Variants in CDK14 observed in about 807,000 individuals in gnomAD.
CDK14 encodes the protein cyclin dependent kinase 14.
CDK14 carries 34 observed loss-of-function variants against 60.7 expected under a neutral mutation model. The observed-to-expected ratio is 0.56, with a 90% CI of 0.43 to 0.75. CDK14 has a LOEUF of 0.75. Ranked by LOEUF, CDK14 falls within the 30% of genes least tolerant of loss-of-function variation. The pLI is 0.00. For missense variants in CDK14, 482 were observed against 564.1 expected, an observed-to-expected ratio of 0.85 and a Z score of 1.47; for synonymous variants, 197 against 203.7, an observed-to-expected ratio of 0.97 and a Z score of 0.28.
intron 2 of CDK14, among the ~76,000 whole-genome samples, chr7:90,682,212 A>G (rs10236092): frequency 0.079 from 12,096 of 152,188 alleles, 510 homozygotes; most frequent in South Asian, 0.1. Flanking sequence ...TATCCAGTAA[A>G]CAGTAATAAC....
chr7:90,831,493 A>T (rs1329256456), intron 5 of CDK14, among the ~76,000 whole-genome samples: 1 of 152,210 alleles, frequency 6.6e-6, no homozygotes. Context: ...GTGGAGACAC[A>T]GAGCCAAACT....
At chr7:90,810,216 C>T (rs1430617781) in intron 5 of CDK14, among the ~76,000 whole-genome samples, 1 of 152,126 alleles carries the variant, frequency 6.6e-6, no homozygotes, top group Non-Finnish European at 1.5e-5. Flanking sequence ...ATGCAGAAAT[C>T]CTCAATAAAA....
chr7:90,693,399 AC>A (rs1801595077), intron 2 of CDK14, among the ~76,000 whole-genome samples: 1 of 152,170 alleles, frequency 6.6e-6, no homozygotes, highest in South Asian at 2.1e-4. Context: ...GGTAAGTTCT[AC>A]CAGCTGGGGG....
chr7:91,016,242 T>C (rs936803475), intron 10 of CDK14, among the ~76,000 whole-genome samples: 8 of 152,172 alleles, frequency 5.3e-5, no homozygotes, highest in Non-Finnish European at 1.0e-4. Context: ...CAATGTGTTT[T>C]CTCTGCTGAC....
intron 6 of CDK14, among the ~76,000 whole-genome samples, chr7:90,865,923 T>C (rs954045557): frequency 2.0e-5 from 3 of 152,136 alleles, no homozygotes; most frequent in African/African-American, 4.8e-5. Flanking sequence ...TGGACTGTTA[T>C]AGCTCCTGTT....
intron 8 of CDK14, among the ~76,000 whole-genome samples, chr7:90,944,811 A>G (rs1486865836): frequency 1.3e-5 from 2 of 152,192 alleles, no homozygotes; most frequent in Non-Finnish European, 2.9e-5. Flanking sequence ...GCTGTCATGT[A>G]AATGAAAGAC....
At chr7:90,993,445 ATTGG>A (rs1313650600) in intron 10 of CDK14, among the ~76,000 whole-genome samples, 2 of 152,104 alleles carry the variant, frequency 1.3e-5, no homozygotes, top group Non-Finnish European at 2.9e-5. Flanking sequence ...GGATCAAGGT[ATTGG>A]AGCAGGCAAG....
At chr7:90,631,164 CTT>C (rs1799989384) in intron 2 of CDK14, among the ~76,000 whole-genome samples, 1 of 152,062 alleles carries the variant, frequency 6.6e-6, no homozygotes, top group African/African-American at 2.4e-5. Flanking sequence ...GCTCACATAA[CTT>C]TTCTGAATTT....
chr7:90,992,569 G>T (rs898763259), intron 10 of CDK14, among the ~76,000 whole-genome samples: 2 of 152,184 alleles, frequency 1.3e-5, no homozygotes, highest in Non-Finnish European at 2.9e-5. Context: ...TATTCTGAGA[G>T]ATGCCATTTT....
intron 14 of CDK14, among the ~76,000 whole-genome samples, chr7:91,184,920 A>T (rs990296076): frequency 2.0e-5 from 3 of 151,792 alleles, no homozygotes; most frequent in African/African-American, 7.3e-5. Flanking sequence ...TGAACTCCAG[A>T]TTGATTCTCC....
At chr7:90,635,058 G>C (rs1381149854) in intron 2 of CDK14, among the ~76,000 whole-genome samples, 1 of 152,046 alleles carries the variant, frequency 6.6e-6, no homozygotes, top group African/African-American at 2.4e-5. Context: ...AGTAGGTTGT[G>C]AAAATTTTCT....
At chr7:90,628,446 C>T (rs1466399903) in intron 2 of CDK14, among the ~76,000 whole-genome samples, 3 of 152,088 alleles carry the variant, frequency 2.0e-5, no homozygotes, top group Non-Finnish European at 4.4e-5. Context: ...GAATTTCAGC[C>T]ATTGAGGGTC....
intron 2 of CDK14, among the ~76,000 whole-genome samples, chr7:90,614,623 AT>A (rs1314077437): frequency 1.3e-5 from 2 of 152,000 alleles, no homozygotes; most frequent in Admixed American, 6.5e-5. Context: ...TTTTAAAAAA[AT>A]AATAAAAAAG....
intron 12 of CDK14, among the ~76,000 whole-genome samples, chr7:91,091,477 A>C (rs1245107821): frequency 7.9e-6 from 1 of 126,348 alleles, no homozygotes; most frequent in African/African-American, 3.1e-5. Context: ...ATATATACAT[A>C]TATGTATATG....
chr7:90,752,319 C>T (rs1349708800), intron 4 of CDK14, among the ~76,000 whole-genome samples: 2 of 151,904 alleles, frequency 1.3e-5, no homozygotes, highest in East Asian at 1.9e-4. Context: ...ACCATCCATA[C>T]TCTTAGACCA....
At chr7:90,677,744 G>C (rs1801230946) in intron 2 of CDK14, among the ~76,000 whole-genome samples, 1 of 152,084 alleles carries the variant, frequency 6.6e-6, no homozygotes, top group African/African-American at 2.4e-5. Context: ...TTGATGTTTT[G>C]GTGTCTAAAA....
intron 2 of CDK14, among the ~76,000 whole-genome samples, chr7:90,655,829 A>T (rs1363092915): frequency 1.3e-5 from 2 of 152,212 alleles, no homozygotes; most frequent in Non-Finnish European, 1.5e-5. Context: ...CCAACCTTTC[A>T]TCAGAGACTT....
chr7:90,649,436 T>TTTCTTTCC (rs1800575962), intron 2 of CDK14, among the ~76,000 whole-genome samples: 1 of 134,806 alleles, frequency 7.4e-6, no homozygotes, highest in Non-Finnish European at 1.6e-5. Flanking sequence ...TTTCTTTCTC[T>TTTCTTTCC]TTCCTTCCTT....
At chr7:91,082,632 TA>T (rs1195774694) in intron 12 of CDK14, among the ~76,000 whole-genome samples, 12 of 152,222 alleles carry the variant, frequency 7.9e-5, no homozygotes, top group African/African-American at 2.9e-4. Context: ...AACCTGAATT[TA>T]AAAGATTTAG....
Sources: allele counts gnomAD v4.1 joint callset (sites outside exome capture counted in the v4.1 genomes callset), GRCh38; gene constraint gnomAD v4.1.1; transcripts MANE v1.5; gene names NCBI Gene and HGNC (gene_info 2026-07-23, HGNC 2026-07-21).